The following CBFA2T2 variants were observed in gnomAD, a reference collection of about 807,000 sequenced individuals.
CBFA2T2 encodes protein CBFA2T2.
CBFA2T2 carries 11 observed loss-of-function variants against 62.2 expected under a neutral mutation model. The ratio of observed to expected loss-of-function variants is 0.18; its 90% CI spans 0.11 to 0.29. The LOEUF is 0.29. CBFA2T2 is among the 10% of genes least tolerant of loss of function. The pLI is 1.00. For missense variants in CBFA2T2, 592 were observed against 774.1 expected (o/e 0.76, Z 2.79); for synonymous variants, 295 against 287.5 (o/e 1.03, Z -0.27).
chr20:33,644,935 T>G lies in CBFA2T2; in HGVS notation c.*289T>G. On this transcript the variant is annotated 3_prime_UTR_variant, in exon 11 of 11. Transcript: ENST00000342704. ...CTGAAGCTGACTTAGCCGGCCCCTT[T>G]TCAGTGTAGACCACCAGCTCCCCTC... The G allele has an allele frequency of 7.8e-6, 3 of 387,064 alleles. No individual in the cohort carries two copies. The highest frequency in any genetic ancestry group is 4.1e-5 in the African/African-American group (2 of 48,718). 24.0% of individuals were successfully genotyped at this position (387,064 alleles called of 1,614,324 possible).
rs556204366 is a variant in CBFA2T2, at chr20:33,617,064, A to T, written c.421-2453A>T. Among the ~76,000 whole-genome samples, 6 of 152,278 alleles carry T rather than the reference A, an allele frequency of 3.9e-5. No homozygotes were observed. In the South Asian group the frequency reaches 1.2e-3, roughly 32 times the overall value. Reference sequence around the variant, plus strand: ...TAGCATGACTCCTTCCTCTACAAAAAAAAAAATTTAAATTAGCTGGGCATG... The same window carrying T: ...TAGCATGACTCCTTCCTCTACAAAATAAAAAATTTAAATTAGCTGGGCATG... On this transcript the variant is annotated intron_variant, in intron 3 of 10. Coordinates refer to ENST00000342704, the MANE Select transcript of CBFA2T2 (RefSeq NM_001032999.3).
intron 1 of CBFA2T2, among the ~76,000 whole-genome samples, chr20:33,553,816 G>T (rs910159982): frequency 2.0e-5 from 3 of 152,078 alleles, no homozygotes; most frequent in Non-Finnish European, 1.5e-5. Context: ...TTTGAAAAAT[G>T]ATTTTATTTT....
At chr20:33,588,776 G>A (rs1015271634) in intron 1 of CBFA2T2, among the ~76,000 whole-genome samples, 4 of 151,934 alleles carry the variant, frequency 2.6e-5, no homozygotes, top group East Asian at 3.9e-4. Flanking sequence ...ATGAAACCCC[G>A]TCTCTAGTAA....
At chr20:33,588,258 A>C (rs2014465024) in intron 1 of CBFA2T2, among the ~76,000 whole-genome samples, 1 of 152,016 alleles carries the variant, frequency 6.6e-6, no homozygotes, top group Non-Finnish European at 1.5e-5. Context: ...CTTTGTTTTA[A>C]CTTTGTTGAA....
chr20:33,559,112 G>A (rs1487093284), intron 1 of CBFA2T2, among the ~76,000 whole-genome samples: 1 of 149,058 alleles, frequency 6.7e-6, no homozygotes, highest in African/African-American at 2.5e-5. Flanking sequence ...GTATTATTAT[G>A]AACTCATGAT....
intron 1 of CBFA2T2, among the ~76,000 whole-genome samples, chr20:33,538,295 A>G (rs1355883098): frequency 6.6e-6 from 1 of 151,886 alleles, no homozygotes; most frequent in Non-Finnish European, 1.5e-5. Context: ...TTGTGTATTG[A>G]TCTTGTATCC....
At chr20:33,561,457 G>A (rs940891943) in intron 1 of CBFA2T2, among the ~76,000 whole-genome samples, 10 of 152,310 alleles carry the variant, frequency 6.6e-5, no homozygotes, top group South Asian at 2.1e-4. Context: ...AGGGAGGTCC[G>A]TTGGACCCTT....
rs11167204 is a variant in CBFA2T2 at position 33,526,383 on chromosome 20, T to C, written c.34+36082T>C. Among the ~76,000 whole-genome samples, 545 of 152,312 alleles carry C rather than the reference T, an allele frequency of 3.6e-3. 2 individuals carry two copies. The highest frequency in any genetic ancestry group is 6.0e-3 in the Non-Finnish European group (411 of 68,034). ...CTAGAGGCTCACAGGAACCTAACCG[T>C]GTGTTTTCCTCTAGGAGCAAAGGTT... On this transcript the variant is annotated intron_variant, in intron 1 of 10. Transcript: ENST00000342704.
At chr20:33,501,283 T>C (rs2011275002) in intron 1 of CBFA2T2, among the ~76,000 whole-genome samples, 1 of 152,196 alleles carries the variant, frequency 6.6e-6, no homozygotes, top group South Asian at 2.1e-4. Context: ...TTTTGGCCTT[T>C]TCCTCTCTTA....
chr20:33,627,506 A>G (rs571141444), intron 6 of CBFA2T2, among the ~76,000 whole-genome samples: 1 of 152,230 alleles, frequency 6.6e-6, no homozygotes, highest in Non-Finnish European at 1.5e-5. Flanking sequence ...TTGACTTGAG[A>G]AAGAAGTATG....
intron 1 of CBFA2T2, among the ~76,000 whole-genome samples, chr20:33,597,999 C>G (rs944706559): frequency 4.6e-5 from 7 of 152,060 alleles, no homozygotes; most frequent in Non-Finnish European, 7.4e-5. Flanking sequence ...CCCCACAAGC[C>G]GCAAAAACCA....
chr20:33,528,560 A>G (rs2011951016), intron 1 of CBFA2T2, among the ~76,000 whole-genome samples: 1 of 152,176 alleles, frequency 6.6e-6, no homozygotes, highest in African/African-American at 2.4e-5. Context: ...CTGAAGTCTC[A>G]GTTATATTCT....
At chr20:33,639,370 C>G (rs62209603) in intron 9 of CBFA2T2, 1 of 152,192 alleles carries the variant, frequency 6.6e-6, no homozygotes. Flanking sequence ...GTCAAGAGAT[C>G]GAGACCATCC....
intron 8 of CBFA2T2, among the ~76,000 whole-genome samples, chr20:33,634,670 C>CAAAAAAAAAAAAAAAAAA (rs758089440): frequency 2.1e-5 from 1 of 47,872 alleles, no homozygotes; most frequent in African/African-American, 5.3e-5. Flanking sequence ...ACCCTATGTC[C>CAAAAAAAAAAAAAAAAAA]AAAAAAAAAA....
rs1282936957 is a variant in CBFA2T2 at position 33,647,399 on chromosome 20, CTCAGCCTTCTGAGTAGCT to C, written c.*2754_*2771del. On this transcript the variant is annotated 3_prime_UTR_variant, in exon 11 of 11. Transcript: ENST00000342704. ...TCCCAGGTTCAAGCGAGTCTCCTGC[CTCAGCCTTCTGAGTAGCT>C]GGGATTACAGGCATGCGCCACCACG... The C allele has an allele frequency of 6.6e-6, 1 of 152,270 alleles. No homozygotes were observed. Among genetic ancestry groups the C allele is most frequent in the Non-Finnish European group, 1.5e-5 (1 of 68,076 alleles). The allele number at this position is 152,270 out of a possible 1,614,324, so 9.4% of individuals were successfully genotyped here. A position where few individuals can be genotyped will look rare whatever the true frequency, so the allele number is the denominator to read the frequency against.
chr20:33,547,936 GT>G (rs1211250996), intron 1 of CBFA2T2, among the ~76,000 whole-genome samples: 1 of 151,912 alleles, frequency 6.6e-6, no homozygotes, highest in East Asian at 1.9e-4. Context: ...CTTGTTTTTT[GT>G]TTTGTTTTCT....
chr20:33,579,583 G>A (rs1280570847), intron 1 of CBFA2T2, among the ~76,000 whole-genome samples: 2 of 147,606 alleles, frequency 1.4e-5, no homozygotes, highest in African/African-American at 2.5e-5. Context: ...TATGGAGTGA[G>A]AGAGGATTGA....
At chr20:33,598,304 A>G (rs923744078) in intron 1 of CBFA2T2, among the ~76,000 whole-genome samples, 2 of 152,040 alleles carry the variant, frequency 1.3e-5, no homozygotes, top group Admixed American at 6.6e-5. Flanking sequence ...ACTGGGGTCT[A>G]TTTCACCCCT....
At chr20:33,550,439 T>C (rs1381869862) in intron 1 of CBFA2T2, among the ~76,000 whole-genome samples, 1 of 152,206 alleles carries the variant, frequency 6.6e-6, no homozygotes, top group Non-Finnish European at 1.5e-5. Context: ...AGCTAATGCT[T>C]TGTGGTTTGA....
Sources: gnomAD v4.1 joint callset for allele counts (sites outside exome capture counted in the v4.1 genomes callset) on GRCh38, gnomAD v4.1.1 for gene constraint, MANE v1.5 for transcripts, NCBI Gene and HGNC (gene_info 2026-07-23, HGNC 2026-07-21) for gene names.